PPIA: variants seen among roughly 807,000 people sequenced by gnomAD.
The protein encoded by PPIA is peptidylprolyl isomerase A, also known as peptidyl-prolyl cis-trans isomerase A.
PPIA carries 2 observed loss-of-function variants against 15.3 expected under a neutral mutation model. The ratio of observed to expected loss-of-function variants is 0.13; its 90% confidence interval spans 0.05 to 0.41. The LOEUF is 0.41. Ranked by LOEUF, PPIA falls within the 10% of genes least tolerant of loss-of-function variation. PPIA has a pLI of 0.99. For missense variants in PPIA, 103 were observed against 210.3 expected (o/e 0.49, Z 3.16); for synonymous variants, 67 against 73.1 (o/e 0.92, Z 0.43).
At chr7:44,798,275 G>A (rs959047551) in intron 1 of PPIA, 1 of 152,162 alleles carries the variant, frequency 6.6e-6, no homozygotes, top group Non-Finnish European at 1.5e-5. Context: ...AAATAAGTAC[G>A]TTGGCCAGGC....
At chr7:44,800,114 G>T in intron 4 of PPIA, 1 of 517,396 alleles carries the variant, frequency 1.9e-6, no homozygotes, top group Non-Finnish European at 3.5e-6. Context: ...TTTTGAGATG[G>T]AGTTTTGCTC....
rs530445666 is a variant in PPIA, at chr7:44,802,717, A to G, written c.*1295A>G. 3.3e-5 allele frequency: 5 copies of G among 152,276 alleles called. No individual in the cohort carries two copies. The highest frequency in any genetic ancestry group is 1.9e-4 in the East Asian group (1 of 5,190). 9.4% of individuals were successfully genotyped at this position (152,276 alleles called of 1,614,324 possible). A position where few individuals can be genotyped will look rare whatever the true frequency, so the allele number is the denominator to read the frequency against. On this transcript the variant is annotated 3_prime_UTR_variant, in exon 5 of 5. Coordinates refer to ENST00000468812, the MANE Select transcript of PPIA (RefSeq NM_021130.5). The stretch of plus-strand genomic sequence containing the variant: ...GCTTTGAGGTTTTGCAAACCTGACC[A>G]ATTTAAGCCATAAGATCTGGTCAAA...
rs573491651 is a variant in PPIA, at chr7:44,798,867, C to T, written c.70-380C>T. 31 of 1,020,758 alleles carry T rather than the reference C, an allele frequency of 3.0e-5. 1 individual carries two copies. In the East Asian group the frequency reaches 2.8e-3, roughly 94 times the overall value. The allele number at this position is 1,020,758 out of a possible 1,614,324, so 63.2% of individuals were successfully genotyped here. ...AAAAGAACAGCTGTTTACCCCTGAT[C>T]GTGCAGCAGTGCTTGCTGTTCCTTA... On this transcript the variant is annotated intron_variant, in intron 1 of 4. Coordinates refer to ENST00000468812, the MANE Select transcript of PPIA (RefSeq NM_021130.5).
intron 1 of PPIA, 75 bp downstream of exon 1, chr7:44,796,868 A>C: frequency 1.4e-6 from 2 of 1,468,210 alleles, no homozygotes; most frequent in Non-Finnish European, 1.8e-6. Context: ...AGCGCCCCAA[A>C]GGCCCGGGCG....
chr7:44,802,391 C>G lies in PPIA; in HGVS notation c.*969C>G, dbSNP rs180875884. 6.6e-6 allele frequency: 1 copy of G among 152,052 alleles called. No individual in the cohort carries two copies. The highest frequency in any genetic ancestry group is 1.5e-5 in the Non-Finnish European group (1 of 68,026). The allele number at this position is 152,052 out of a possible 1,614,324, so 9.4% of individuals were successfully genotyped here. The stretch of plus-strand genomic sequence containing the variant: ...CTCAAACTCTTGACCTCAGCTGATG[C>G]GCCTGCCTTGGCCTCCCAAACTGCT... On this transcript the variant is annotated 3_prime_UTR_variant, in exon 5 of 5. Transcript: ENST00000468812.
chr7:44,799,603 C>T, intron 3 of PPIA, 99 bp from the exon 4 acceptor site: 1 of 1,577,298 alleles, frequency 6.3e-7, no homozygotes, highest in Non-Finnish European at 8.7e-7. Context: ...TTTAACCCTT[C>T]TATTCAGTTT....
rs149598294 is a variant in PPIA, at chr7:44,796,708, A to C, written c.-17A>C. 5.0e-5 allele frequency: 80 copies of C among 1,609,660 alleles called. No individual in the cohort carries two copies. The highest frequency in any genetic ancestry group is 6.5e-5 in the Non-Finnish European group (76 of 1,178,262). On this transcript the variant is annotated 5_prime_UTR_variant, in exon 1 of 5. Transcript: ENST00000468812. ...TTTGCAGACGCCACCGCCGAGGAAA[A>C]CCGTGTACTATTAGCCATGGTCAAC...
chr7:44,800,738 G>A (rs9638978), intron 4 of PPIA, among the ~76,000 whole-genome samples: 7,590 of 151,952 alleles, frequency 0.05, 532 homozygotes, highest in East Asian at 0.34. Context: ...AATAACATGC[G>A]GTTGGTTGGG....
chr7:44,796,899 G>A, intron 1 of PPIA, 106 bp downstream of exon 1: 12 of 1,206,592 alleles, frequency 9.9e-6, no homozygotes, highest in African/African-American at 6.5e-5. Flanking sequence ...CTGCTTGAGG[G>A]GCGAGCGCGG....
chr7:44,797,047 G>T (rs1162851202), intron 1 of PPIA, among the ~76,000 whole-genome samples: 2 of 152,156 alleles, frequency 1.3e-5, no homozygotes, highest in East Asian at 1.9e-4. Flanking sequence ...GCGTCCGCCC[G>T]CCCGCCTCAT....
In PPIA at chr7:44,799,553, A is replaced by AT. The variant is rs1234967718; in HGVS notation, c.189+74dup. ...TGGGATTGAGCCAGAATATTTCAGG[A>AT]TACACATATCTGAACTGTTACTCTA... On this transcript the variant is annotated intron_variant, in intron 3 of 4. Coordinates refer to ENST00000468812, the MANE Select transcript of PPIA (RefSeq NM_021130.5). 3 of 1,573,502 alleles carry AT rather than the reference A, an allele frequency of 1.9e-6. No homozygotes were observed. In the African/African-American group the frequency reaches 4.1e-5, roughly 21 times the overall value.
chr7:44,798,200 G>A lies in PPIA; in HGVS notation c.70-1047G>A, dbSNP rs118096718. 35 of 152,292 alleles carry A rather than the reference G, an allele frequency of 2.3e-4. No homozygotes were observed. In the East Asian group the frequency reaches 3.3e-3, roughly 14 times the overall value. The allele number at this position is 152,292 out of a possible 1,614,324, so 9.4% of individuals were successfully genotyped here. A position where few individuals can be genotyped will look rare whatever the true frequency, so the allele number is the denominator to read the frequency against. On this transcript the variant is annotated intron_variant, in intron 1 of 4. Transcript: ENST00000468812. ...GGAACTTAAACGTACCGACTATAAA[G>A]CTCTGAGAAAAGCTGATGTTTTAGA...
intron 1 of PPIA, 84 bp downstream of exon 1, chr7:44,796,877 C>T (rs1792383670): frequency 2.1e-6 from 3 of 1,431,464 alleles, no homozygotes; most frequent in African/African-American, 3.0e-5. Context: ...AAGGCCCGGG[C>T]GCGGGGCGAC....
intron 3 of PPIA, 21 bp from the exon 4 acceptor site, chr7:44,799,681 A>AT (rs919443753): frequency 1.2e-6 from 2 of 1,613,826 alleles, no homozygotes; most frequent in African/African-American, 1.3e-5. Flanking sequence ...CAGAAGTGAC[A>AT]TTTTTCCTAT....
At position 44,796,795 on chromosome 7, in the gene PPIA, TCGGG is replaced by T. The variant is rs753858720; in HGVS notation, c.69+10_69+13del. 6.2e-7 allele frequency: 1 copy of T among 1,603,734 alleles called. No homozygotes were observed. Among genetic ancestry groups the T allele is most frequent in the East Asian group, 2.3e-5 (1 of 43,282 alleles). ...CCCTTGGGCCGCGTCTCCTTTGAGG[TCGGG>T]CGGGCGGCGGCGTGCGGGAATGGGG... On this transcript the variant is annotated splice_donor_5th_base_variant and intron_variant, in intron 1 of 4. Transcript: ENST00000468812.
In PPIA at chr7:44,802,074, G is replaced by C. The variant is rs895785244; in HGVS notation, c.*652G>C. 2 of 152,478 alleles carry C rather than the reference G, an allele frequency of 1.3e-5. No homozygotes were observed. Among genetic ancestry groups the C allele is most frequent in the African/African-American group, 4.8e-5 (2 of 41,414 alleles). The allele number at this position is 152,478 out of a possible 1,614,324, so 9.4% of individuals were successfully genotyped here. On this transcript the variant is annotated 3_prime_UTR_variant, in exon 5 of 5. Transcript: ENST00000468812. ...AGGTAGGCAGAGGCAGGAAAAGCAA[G>C]GAGCCAGAATTAAGAGGTTGGGTCA... is the stretch of plus-strand genomic sequence containing the variant.
chr7:44,801,377 G>C lies in PPIA; in HGVS notation c.453G>C (p.Lys151Asn). 1 of 1,573,058 alleles carries C rather than the reference G, an allele frequency of 6.4e-7. No individual in the cohort carries two copies. Among genetic ancestry groups the C allele is most frequent in the South Asian group, 1.1e-5 (1 of 90,254 alleles). Residue 151 changes from lysine to asparagine, a missense_variant, in exon 5 of 5, where the codon AAG (lysine) becomes AAC (asparagine). Lys to Asn is a moderately conservative substitution (Grantham distance 94). Coordinates refer to ENST00000468812, the MANE Select transcript of PPIA (RefSeq NM_021130.5). ...AMERFGSRNG[K>N]TSKKITIADC... is the part of the protein sequence containing the mutation. Reference sequence around the variant, plus strand: ...AGCGCTTTGGGTCCAGGAATGGCAAGACCAGCAAGAAGATCACCATTGCTG... The same window carrying C: ...AGCGCTTTGGGTCCAGGAATGGCAACACCAGCAAGAAGATCACCATTGCTG...
intron 1 of PPIA, chr7:44,798,714 A>G (rs1792456729): frequency 1.0e-6 from 1 of 982,910 alleles, no homozygotes; most frequent in Non-Finnish European, 1.2e-6. Flanking sequence ...CAGATATACT[A>G]GAAACCAATC....
chr7:44,799,230 G>C lies in PPIA; in HGVS notation c.70-17G>C. 1 of 1,612,528 alleles carries C rather than the reference G, an allele frequency of 6.2e-7. No homozygotes were observed. Among genetic ancestry groups the C allele is most frequent in the Non-Finnish European group, 8.5e-7 (1 of 1,179,372 alleles). On this transcript the variant is annotated splice_polypyrimidine_tract_variant and intron_variant, in intron 1 of 4. Coordinates refer to ENST00000468812, the MANE Select transcript of PPIA (RefSeq NM_021130.5). ...CAAAATAAGCAGATGTTAATTAACT[G>C]TAATTTTCTCTTACAGCTGTTTGCA...
Sources: allele counts gnomAD v4.1 joint callset (sites outside exome capture counted in the v4.1 genomes callset), GRCh38; gene constraint gnomAD v4.1.1; transcripts MANE v1.5; gene names NCBI Gene and HGNC (gene_info 2026-07-23, HGNC 2026-07-21).